The following FYN variants were observed in gnomAD, a reference collection of about 807,000 sequenced individuals.
The protein encoded by FYN is tyrosine-protein kinase Fyn.
FYN carries 10 observed loss-of-function variants against 70.2 expected under a neutral mutation model. The ratio of observed to expected loss-of-function variants is 0.14; its 90% confidence interval spans 0.09 to 0.24. The LOEUF (loss-of-function observed/expected upper bound fraction) is 0.24, where lower values mean the gene tolerates loss of function less well. Ranked by LOEUF, FYN falls within the 10% of genes least tolerant of loss-of-function variation. The probability of loss-of-function intolerance (pLI) is 1.00; values close to 1 mark genes in which losing one functional copy is unlikely to be tolerated. For synonymous variants in FYN, 236 were observed against 248.6 expected (o/e 0.95, Z 0.48); for missense variants, 319 against 673.1 (o/e 0.47, Z 5.82).
Position 111,871,662 on chromosome 6 carries a change from T to C in FYN, c.-123+1306A>G, listed in dbSNP as rs1774278044. On this transcript the variant is annotated intron_variant, in intron 1 of 13. Coordinates refer to ENST00000354650, the MANE Select transcript of FYN (RefSeq NM_002037.5). ...TCCCTCTTATCAAATAACAATTTAA[T>C]TCTGATTCAGAAACAAAATTCTTGT... Among the ~76,000 whole-genome samples the C allele has an allele frequency of 2.0e-5, 3 of 152,236 alleles. No individual in the cohort carries two copies. In the South Asian group the frequency reaches 6.2e-4, roughly 32 times the overall value.
chr6:111,756,226 T>C (rs376804228), intron 3 of FYN, among the ~76,000 whole-genome samples: 5 of 151,914 alleles, frequency 3.3e-5, no homozygotes, highest in African/African-American at 1.2e-4. Flanking sequence ...TGCCATTAAG[T>C]TTGAAAATTT....
intron 5 of FYN, among the ~76,000 whole-genome samples, chr6:111,709,279 G>A (rs1800255806): frequency 6.6e-6 from 1 of 152,314 alleles, no homozygotes; most frequent in Non-Finnish European, 1.5e-5. Flanking sequence ...CCATGGTAAA[G>A]ATGCTCCCCA....
chr6:111,837,343 T>A (rs144344861), intron 2 of FYN, among the ~76,000 whole-genome samples: 4 of 152,164 alleles, frequency 2.6e-5, no homozygotes, highest in African/African-American at 4.8e-5. Context: ...GCTTTTTTTT[T>A]AAATTACATT....
At chr6:111,858,447 CG>C (rs1342170254) in intron 1 of FYN, 1 of 152,194 alleles carries the variant, frequency 6.6e-6, no homozygotes, top group African/African-American at 2.4e-5. Context: ...CTTGGGCTAA[CG>C]GAAGTGATCC....
At chr6:111,687,742 A>G (rs1799084672) in intron 12 of FYN, among the ~76,000 whole-genome samples, 1 of 152,214 alleles carries the variant, frequency 6.6e-6, no homozygotes, top group East Asian at 1.9e-4. Flanking sequence ...CTATCAGCTC[A>G]GTGTTGGCTT....
intron 13 of FYN, among the ~76,000 whole-genome samples, chr6:111,670,608 A>G (rs2282855): frequency 0.054 from 7,775 of 144,204 alleles, 235 homozygotes; most frequent in East Asian, 0.097. Context: ...TGGAATGACT[A>G]CAGAAAAAGA....
intron 8 of FYN, among the ~76,000 whole-genome samples, chr6:111,701,644 C>T (rs1799843107): frequency 3.3e-5 from 5 of 152,202 alleles, no homozygotes; most frequent in Admixed American, 2.6e-4. Flanking sequence ...GGTGCCCTTT[C>T]GAACACAGTA....
At chr6:111,827,112 C>T (rs1244631991) in intron 2 of FYN, among the ~76,000 whole-genome samples, 1 of 152,100 alleles carries the variant, frequency 6.6e-6, no homozygotes, top group African/African-American at 2.4e-5. Flanking sequence ...AATCTCACCT[C>T]ATTTAGAGCA....
chr6:111,844,653 T>A (rs899214227), intron 2 of FYN: 1 of 152,228 alleles, frequency 6.6e-6, no homozygotes, highest in African/African-American at 2.4e-5. Context: ...TCTACCCGTT[T>A]AGCTTCTCTT....
chr6:111,663,347 C>T (rs925238327), intron 13 of FYN, among the ~76,000 whole-genome samples: 4 of 152,196 alleles, frequency 2.6e-5, no homozygotes, highest in South Asian at 2.1e-4. Flanking sequence ...GGTGGCGACC[C>T]GTTAGCTAGA....
chr6:111,804,064 T>G (rs1278482891), intron 2 of FYN, among the ~76,000 whole-genome samples: 1 of 152,200 alleles, frequency 6.6e-6, no homozygotes, highest in African/African-American at 2.4e-5. Flanking sequence ...TAGTTTCACT[T>G]AAGTCTTCTT....
chr6:111,673,433 C>T (rs964569624), intron 13 of FYN, among the ~76,000 whole-genome samples: 3 of 152,110 alleles, frequency 2.0e-5, no homozygotes, highest in East Asian at 3.9e-4. Flanking sequence ...CAACCCAGAA[C>T]GAGATTATCT....
chr6:111,857,196 C>T (rs1353433531), intron 1 of FYN, among the ~76,000 whole-genome samples: 1 of 152,156 alleles, frequency 6.6e-6, no homozygotes, highest in Middle Eastern at 3.2e-3. Flanking sequence ...CTACTATTCA[C>T]CCTGTTACCT....
intron 12 of FYN, among the ~76,000 whole-genome samples, chr6:111,683,731 A>C (rs937387803): frequency 5.3e-5 from 8 of 152,300 alleles, no homozygotes; most frequent in South Asian, 2.1e-4. Flanking sequence ...ATAAAACAAA[A>C]AAAAAAAATC....
chr6:111,849,316 A>G (rs781325197), intron 1 of FYN, among the ~76,000 whole-genome samples: 2 of 152,236 alleles, frequency 1.3e-5, no homozygotes, highest in Non-Finnish European at 1.5e-5. Context: ...ATCCTCCAAC[A>G]TTGGGTGAAC....
At chr6:111,857,769 A>G (rs1773860957) in intron 1 of FYN, among the ~76,000 whole-genome samples, 2 of 152,184 alleles carry the variant, frequency 1.3e-5, no homozygotes, top group African/African-American at 4.8e-5. Context: ...CTTCAGGGCA[A>G]TCAGTCAAAT....
At position 111,806,210 on chromosome 6, in the gene FYN, C is replaced by T. The variant is rs116911353; in HGVS notation, c.-81-25575G>A. ...TGTTCGGAGATGAAATACAATTGCA[C>T]GAGCTTGTAACTCCTGGAACCTGGA... On this transcript the variant is annotated intron_variant, in intron 2 of 13. Transcript: ENST00000354650. 2.5e-3 allele frequency among the ~76,000 whole-genome samples: 386 copies of T among 152,276 alleles called. 3 individuals carry two copies. Among genetic ancestry groups the T allele is most frequent in the Non-Finnish European group, 4.0e-3 (274 of 68,018 alleles).
At chr6:111,775,121 C>T (rs1803655481) in intron 3 of FYN, among the ~76,000 whole-genome samples, 1 of 152,194 alleles carries the variant, frequency 6.6e-6, no homozygotes, top group African/African-American at 2.4e-5. Context: ...GACCAACCAC[C>T]TGGATCCCAG....
At position 111,799,192 on chromosome 6, in the gene FYN, A is replaced by C. The variant is rs563720598; in HGVS notation, c.-81-18557T>G. Among the ~76,000 whole-genome samples the C allele has an allele frequency of 1.2e-4, 18 of 152,372 alleles. No individual in the cohort carries two copies. In the South Asian group the frequency reaches 3.7e-3, roughly 32 times the overall value. ...GTGATTCTAAAAAAGCAACGTTCAAAAATAAACAAGTTTTTAAAAATTTAA... is the reference window on the plus strand; with the variant it reads ...GTGATTCTAAAAAAGCAACGTTCAACAATAAACAAGTTTTTAAAAATTTAA... On this transcript the variant is annotated intron_variant, in intron 2 of 13. Transcript: ENST00000354650.
Sources: gnomAD v4.1 joint callset for allele counts (sites outside exome capture counted in the v4.1 genomes callset) on GRCh38, gnomAD v4.1.1 for gene constraint, MANE v1.5 for transcripts, NCBI Gene and HGNC (gene_info 2026-07-23, HGNC 2026-07-21) for gene names.